ADCY3: variants seen among roughly 807,000 people sequenced by gnomAD.
The protein encoded by ADCY3 is adenylate cyclase 3.
A neutral mutation model predicts 119.4 loss-of-function variants in ADCY3; 70 were observed. The ratio of observed to expected loss-of-function variants is 0.59; its 90% confidence interval spans 0.48 to 0.72. The LOEUF (loss-of-function observed/expected upper bound fraction) is 0.72, where lower values mean the gene tolerates loss of function less well. Among genes scored for constraint, ADCY3 ranks in the 30% least tolerant of loss-of-function variants. The pLI, the probability that ADCY3 is intolerant of heterozygous loss-of-function variation, is 0.00. For missense variants in ADCY3, 1,238 were observed against 1,541.6 expected, an observed-to-expected ratio of 0.80 and a Z score of 3.30; for synonymous variants, 672 against 621.4, an observed-to-expected ratio of 1.08 and a Z score of -1.21.
intron 2 of ADCY3, among the ~76,000 whole-genome samples, chr2:24,904,038 C>T (rs747552744): frequency 6.6e-6 from 1 of 152,080 alleles, no homozygotes; most frequent in Non-Finnish European, 1.5e-5. Flanking sequence ...CCACCCACAA[C>T]CAACTCTTCA....
At chr2:24,889,823 C>T (rs184226104) in intron 2 of ADCY3, among the ~76,000 whole-genome samples, 4 of 152,086 alleles carry the variant, frequency 2.6e-5, no homozygotes, top group African/African-American at 7.2e-5. Flanking sequence ...GCAGCAAGAG[C>T]GAAACTCCGT....
intron 16 of ADCY3, among the ~76,000 whole-genome samples, chr2:24,825,334 C>CGGGGGGGGGGGGGG (rs768838126): frequency 1.2e-5 from 1 of 81,574 alleles, no homozygotes; most frequent in Admixed American, 9.8e-5. Flanking sequence ...GTGGTTGTGG[C>CGGGGGGGGGGGGGG]GGGGGGGGGG....
In ADCY3 at chr2:24,898,564, C is replaced by T. The variant is rs988953907; in HGVS notation, c.675+19749G>A. On this transcript the variant is annotated intron_variant, in intron 2 of 21. Transcript: ENST00000679454. The surrounding 1 kb of genome is among the most constrained non-coding windows in gnomAD (Gnocchi z 4.3). ...ACACTCAGCCAGAGGAAATATCCTC[C>T]GAAGATCTTCACTCTCAAATCAGCC... Among the ~76,000 whole-genome samples, 49 of 152,118 alleles carry T rather than the reference C, an allele frequency of 3.2e-4. No homozygotes were observed. The highest frequency in any genetic ancestry group is 5.6e-4 in the Non-Finnish European group (38 of 68,028).
intron 12 of ADCY3, 94 bp from the exon 13 acceptor site, chr2:24,830,919 G>C: frequency 1.0e-6 from 1 of 980,100 alleles, no homozygotes; most frequent in South Asian, 1.5e-5. Context: ...CCGTATTCCA[G>C]TCCCAGGAGC....
Position 24,821,649 on chromosome 2 carries a change from G to A in ADCY3, c.3004-9C>T, listed in dbSNP as rs1243420069. 2.5e-6 allele frequency: 4 copies of A among 1,613,230 alleles called. No individual in the cohort carries two copies. Among genetic ancestry groups the A allele is most frequent in the African/African-American group, 1.3e-5 (1 of 74,944 alleles). The stretch of plus-strand genomic sequence containing the variant: ...CTCTCGGACTTGTCTTCCTGTGCCA[G>A]GGGACCGTGGAGAAAGTGTCAGGGG... On this transcript the variant is annotated splice_polypyrimidine_tract_variant and intron_variant, in intron 19 of 21. Transcript: ENST00000679454.
At position 24,918,479 on chromosome 2, in the gene ADCY3, C is replaced by T; in HGVS notation, c.509G>A (p.Gly170Asp). Residue 170 changes from glycine (G) to aspartate (D), a missense_variant, in exon 2 of 22, where the codon GGC becomes GAC. Coordinates refer to ENST00000679454, the MANE Select transcript of ADCY3 (RefSeq NM_004036.5). This position sits in a 1 kb window ranked among gnomAD's most constrained non-coding sequence, Gnocchi z 5.4. ...GGAGAAGACAAAGAAGACCTGCCAG[C>T]CCACCGTGTCACTAGCCGCGTGGGC... The part of the protein sequence containing the change: ...ARAHAASDTV[G>D]WQVFFVFSFF... 1 of 1,613,968 alleles carries T rather than the reference C, an allele frequency of 6.2e-7. No homozygotes were observed. The highest frequency in any genetic ancestry group is 1.1e-5 in the South Asian group (1 of 91,052).
At chr2:24,850,399 G>A (rs1377744332) in intron 3 of ADCY3, among the ~76,000 whole-genome samples, 1 of 152,186 alleles carries the variant, frequency 6.6e-6, no homozygotes, top group Non-Finnish European at 1.5e-5. Context: ...TTGTGTTCCT[G>A]GGGGAAGGAA....
chr2:24,836,368 A>G (rs1670331784), intron 9 of ADCY3, among the ~76,000 whole-genome samples: 1 of 152,210 alleles, frequency 6.6e-6, no homozygotes, highest in Admixed American at 6.5e-5. Flanking sequence ...CGAGCAGGGC[A>G]GACATCCCAT....
At chr2:24,896,920 T>C (rs1678359004) in intron 2 of ADCY3, among the ~76,000 whole-genome samples, 1 of 152,158 alleles carries the variant, frequency 6.6e-6, no homozygotes, top group Non-Finnish European at 1.5e-5. Context: ...GGCTAGGTAA[T>C]GAACGATAGG....
Position 24,872,201 on chromosome 2 carries a change from CTGACCT to C in ADCY3, c.825+363_825+368del, listed in dbSNP as rs1173883107. On this transcript the variant is annotated intron_variant, in intron 3 of 21. Coordinates refer to ENST00000679454, the MANE Select transcript of ADCY3 (RefSeq NM_004036.5). The surrounding 1 kb of genome is among the most constrained non-coding windows in gnomAD (Gnocchi z 4.4). The stretch of plus-strand genomic sequence containing the variant: ...AGGAATGCCCGTGATGCCCCTGACC[CTGACCT>C]TGGTCCCGAGAAGGTCATCTGAGAA... Among the ~76,000 whole-genome samples the C allele has an allele frequency of 6.6e-6, 1 of 152,240 alleles. No homozygotes were observed. Among genetic ancestry groups the C allele is most frequent in the African/African-American group, 2.4e-5 (1 of 41,462 alleles).
At chr2:24,917,437 C>T (rs893340494) in intron 2 of ADCY3, among the ~76,000 whole-genome samples, 23 of 152,350 alleles carry the variant, frequency 1.5e-4, no homozygotes, top group African/African-American at 2.9e-4. Flanking sequence ...CAGACATCTC[C>T]GCCTCATTCT....
At chr2:24,845,772 G>A (rs925554297) in intron 3 of ADCY3, among the ~76,000 whole-genome samples, 3 of 152,316 alleles carry the variant, frequency 2.0e-5, no homozygotes, top group South Asian at 4.1e-4. Flanking sequence ...AGACCTTTGC[G>A]GCAGCCCCTC....
At chr2:24,887,414 G>A (rs112641931) in intron 2 of ADCY3, among the ~76,000 whole-genome samples, 2,306 of 152,218 alleles carry the variant, frequency 0.015, 42 homozygotes, top group African/African-American at 0.047. Context: ...CGAGCTCCAC[G>A]GCTCCTTTCC....
rs6721461 is a variant in ADCY3, at chr2:24,899,399, T to G, written c.675+18914A>C. 0.021 allele frequency among the ~76,000 whole-genome samples: 3,132 copies of G among 152,326 alleles called. 108 individuals carry two copies. The highest frequency in any genetic ancestry group is 0.071 in the African/African-American group (2,946 of 41,574). ...TGTCTGTCTAAGAGCGGGACCTCACTCTCGGCTGGAATGCTGCTGTCACCC... is the reference window on the plus strand; with the variant it reads ...TGTCTGTCTAAGAGCGGGACCTCACGCTCGGCTGGAATGCTGCTGTCACCC... On this transcript the variant is annotated intron_variant, in intron 2 of 21. Coordinates refer to ENST00000679454, the MANE Select transcript of ADCY3 (RefSeq NM_004036.5). The surrounding 1 kb of genome is among the most constrained non-coding windows in gnomAD (Gnocchi z 4.5).
chr2:24,890,880 CT>C (rs572388917), intron 2 of ADCY3, among the ~76,000 whole-genome samples: 185 of 148,758 alleles, frequency 1.2e-3, no homozygotes, highest in African/African-American at 3.9e-3. Flanking sequence ...GACCTTTCTT[CT>C]TTTTTTTTTG....
At chr2:24,912,683 C>T (rs1397253190) in intron 2 of ADCY3, among the ~76,000 whole-genome samples, 5 of 151,992 alleles carry the variant, frequency 3.3e-5, no homozygotes, top group South Asian at 2.1e-4. Flanking sequence ...CCTGGGCTTC[C>T]GTTTCCTCTC....
chr2:24,888,136 A>T (rs1242952891), intron 2 of ADCY3, among the ~76,000 whole-genome samples: 1 of 152,226 alleles, frequency 6.6e-6, no homozygotes, highest in Non-Finnish European at 1.5e-5. Flanking sequence ...CTCAAATTTC[A>T]TCACAAACAT....
chr2:24,837,872 G>A (rs1045626026), intron 8 of ADCY3, among the ~76,000 whole-genome samples: 8 of 152,150 alleles, frequency 5.3e-5, no homozygotes, highest in Non-Finnish European at 7.3e-5. Context: ...CAGGATGCAC[G>A]ATTGCAAGCT....
At chr2:24,870,337 A>G (rs868523499) in intron 3 of ADCY3, among the ~76,000 whole-genome samples, 24 of 146,892 alleles carry the variant, frequency 1.6e-4, no homozygotes, top group African/African-American at 2.8e-4. Flanking sequence ...AAAAAAAAAA[A>G]AAAGAAAGAA....
Sources: gnomAD v4.1 joint callset for allele counts (sites outside exome capture counted in the v4.1 genomes callset) on GRCh38, gnomAD v4.1.1 for gene constraint, Gnocchi (gnomAD v3.1) non-coding constraint, MANE v1.5 for transcripts, NCBI Gene and HGNC (gene_info 2026-07-23, HGNC 2026-07-21) for gene names.